The following KDM3A variants were observed in gnomAD, a reference collection of about 807,000 sequenced individuals.
KDM3A encodes lysine demethylase 3A, also known as lysine-specific demethylase 3A.
A neutral mutation model predicts 158.0 loss-of-function variants in KDM3A; 60 were observed. That is an observed-to-expected ratio of 0.38 (90% CI 0.31 to 0.47). The LOEUF is 0.47. Among genes scored for constraint, KDM3A ranks in the 20% least tolerant of loss-of-function variants. The probability of loss-of-function intolerance (pLI) is 0.99; values close to 1 mark genes in which losing one functional copy is unlikely to be tolerated. For missense variants in KDM3A, 1,319 were observed against 1,574.3 expected (o/e 0.84, Z 2.74); for synonymous variants, 608 against 549.3 (o/e 1.11, Z -1.49).
chr2:86,459,570 TGCA>T (rs368866921), intron 8 of KDM3A, among the ~76,000 whole-genome samples: 71 of 152,080 alleles, frequency 4.7e-4, no homozygotes, highest in African/African-American at 1.6e-3. Context: ...CAATCTGGGG[TGCA>T]AGCAGAACTG....
At chr2:86,450,546 G>C (rs926230586) in intron 3 of KDM3A, among the ~76,000 whole-genome samples, 9 of 152,214 alleles carry the variant, frequency 5.9e-5, no homozygotes, top group African/African-American at 1.7e-4. Context: ...GCAAAGAGAA[G>C]AGTGAGCGCT....
intron 12 of KDM3A, 65 bp from the exon 13 acceptor site, chr2:86,477,812 C>G (rs1673729379): frequency 6.8e-7 from 1 of 1,466,482 alleles, no homozygotes. Flanking sequence ...ATAACCCCTA[C>G]CTTTCGTTTT....
At chr2:86,462,270 A>C (rs1001822395) in intron 8 of KDM3A, among the ~76,000 whole-genome samples, 2 of 152,040 alleles carry the variant, frequency 1.3e-5, no homozygotes, top group Non-Finnish European at 2.9e-5. Context: ...TTATAATCCA[A>C]ATTTCTTAAG....
At chr2:86,448,095 C>T (rs537548306) in intron 2 of KDM3A, among the ~76,000 whole-genome samples, 3 of 152,230 alleles carry the variant, frequency 2.0e-5, no homozygotes, top group Admixed American at 2.0e-4. Flanking sequence ...GGCCTTGCCA[C>T]GTGGGTGTTC....
rs1673035484 is a variant in KDM3A, at chr2:86,464,117, G to C, written c.908G>C (p.Gly303Ala). ...ACAGTTTTTAAGGAGATACTGCTTG[G>C]CTGTACTGCGGCAACTCCACCTAGT... ...PTTVFKEILL[G>A]CTAATPPSKD... Residue 303 changes from glycine to alanine, a missense_variant, in exon 9 of 26, where the codon GGC becomes GCC. Physicochemically the swap from Gly to Ala is moderately conservative, Grantham distance 60. Coordinates refer to ENST00000312912, the MANE Select transcript of KDM3A (RefSeq NM_018433.6). The C allele has an allele frequency of 6.2e-7, 1 of 1,612,622 alleles. No homozygotes were observed. Among genetic ancestry groups the C allele is most frequent in the South Asian group, 1.1e-5 (1 of 91,022 alleles).
chr2:86,484,837 GAC>G, intron 19 of KDM3A, 103 bp from the exon 20 acceptor site: 2 of 618,266 alleles, frequency 3.2e-6, no homozygotes, highest in South Asian at 2.4e-5. Context: ...ATTTTGCAGA[GAC>G]ATATTTTATT....
chr2:86,438,964 TTTTA>T (rs769676794), upstream of KDM3A, among the ~76,000 whole-genome samples: 25 of 152,102 alleles, frequency 1.6e-4, no homozygotes, highest in Admixed American at 5.9e-4. Flanking sequence ...TTGTTAATAA[TTTTA>T]TTTATTCCTT....
At chr2:86,453,612 A>C (rs1284739491) in intron 4 of KDM3A, among the ~76,000 whole-genome samples, 2 of 152,176 alleles carry the variant, frequency 1.3e-5, no homozygotes, top group Non-Finnish European at 2.9e-5. Flanking sequence ...CCATTGATAC[A>C]TACTTTCATC....
chr2:86,492,015 C>T (rs1426786741), intron 25 of KDM3A, 24 bp from the exon 26 acceptor site: 3 of 1,496,794 alleles, frequency 2.0e-6, no homozygotes, highest in Non-Finnish European at 2.8e-6. Context: ...GTAAAATGCC[C>T]ATATTTTCTC....
Position 86,474,766 on chromosome 2 carries a change from C to CT in KDM3A, c.1725-8dup, listed in dbSNP as rs1673587825. On this transcript the variant is annotated splice_polypyrimidine_tract_variant and intron_variant, in intron 11 of 25. Coordinates refer to ENST00000312912, the MANE Select transcript of KDM3A (RefSeq NM_018433.6). ...GTACATTACATCTTTTTTTCCCCTG[C>CT]TTCCCCTAGGTTACAATTCAACAAA... 7.2e-7 allele frequency: 1 copy of CT among 1,395,702 alleles called. No individual in the cohort carries two copies. The highest frequency in any genetic ancestry group is 1.5e-5 in the African/African-American group (1 of 66,618). 86.5% of individuals were successfully genotyped at this position (1,395,702 alleles called of 1,614,324 possible).
chr2:86,480,780 TA>T (rs1238407095), intron 16 of KDM3A, among the ~76,000 whole-genome samples: 2 of 152,208 alleles, frequency 1.3e-5, no homozygotes, highest in Non-Finnish European at 2.9e-5. Flanking sequence ...ATGACTGTTG[TA>T]GAAAAAAATA....
intron 1 of KDM3A, 92 bp from the exon 2 acceptor site, chr2:86,441,926 G>C: frequency 9.6e-7 from 1 of 1,038,568 alleles, no homozygotes; most frequent in South Asian, 1.5e-5. Flanking sequence ...CCTCGCGCGG[G>C]TTCGGCGCCC....
intron 9 of KDM3A, among the ~76,000 whole-genome samples, chr2:86,465,708 C>T (rs888163818): frequency 1.3e-5 from 2 of 151,894 alleles, no homozygotes; most frequent in African/African-American, 4.8e-5. Flanking sequence ...TGTGCCTTGC[C>T]CATTGTTCGT....
intron 2 of KDM3A, 44 bp downstream of exon 2, chr2:86,442,277 ACCGTGGTAACG>A: frequency 6.5e-7 from 1 of 1,546,668 alleles, no homozygotes; most frequent in Non-Finnish European, 8.8e-7. Context: ...TTTCGCAGTT[ACCGTGGTAACG>A]CGACCATCGG....
chr2:86,470,604 A>T (rs1255891980), intron 11 of KDM3A, among the ~76,000 whole-genome samples, 196 bp downstream of exon 11: 1 of 152,102 alleles, frequency 6.6e-6, no homozygotes, highest in East Asian at 1.9e-4. Flanking sequence ...GATTTTTTTT[A>T]AAGTAACAAA....
At chr2:86,484,638 T>G (rs1674096868) in intron 19 of KDM3A, 1 of 302,034 alleles carries the variant, frequency 3.3e-6, no homozygotes, top group Non-Finnish European at 6.2e-6. Flanking sequence ...AGCAGCTTAA[T>G]AAGCTTCTAG....
intron 12 of KDM3A, among the ~76,000 whole-genome samples, chr2:86,477,528 AACC>A (rs1302289831): frequency 6.6e-6 from 1 of 152,192 alleles, no homozygotes; most frequent in Non-Finnish European, 1.5e-5. Flanking sequence ...AGAGGTTAAG[AACC>A]ACTGTTGTGT....
Position 86,442,045 on chromosome 2 carries a change from A to C in KDM3A, c.-3A>C, listed in dbSNP as rs752168850. 2.5e-5 allele frequency: 41 copies of C among 1,613,690 alleles called. No individual in the cohort carries two copies. The highest frequency in any genetic ancestry group is 4.0e-5 in the African/African-American group (3 of 74,884). On this transcript the variant is annotated 5_prime_UTR_variant, in exon 2 of 26. Coordinates refer to ENST00000312912, the MANE Select transcript of KDM3A (RefSeq NM_018433.6). Reference sequence around the variant, plus strand: ...AGGAGCTCTTCCTGCAGGCGTGGAAACCATGGTGCTCACGCTCGGAGAAAG... The same window carrying C: ...AGGAGCTCTTCCTGCAGGCGTGGAACCCATGGTGCTCACGCTCGGAGAAAG...
At chr2:86,483,898 T>C (rs906381305) in intron 18 of KDM3A, 89 bp from the exon 19 acceptor site, 39 of 1,044,680 alleles carry the variant, frequency 3.7e-5, no homozygotes, top group African/African-American at 2.3e-4. Context: ...CATGGAAATA[T>C]ACCAATAGCA....
Sources: gnomAD v4.1 joint callset for allele counts (sites outside exome capture counted in the v4.1 genomes callset) on GRCh38, gnomAD v4.1.1 for gene constraint, MANE v1.5 for transcripts, NCBI Gene and HGNC (gene_info 2026-07-23, HGNC 2026-07-21) for gene names.